The following SEL1L variants were observed in gnomAD, a reference collection of about 807,000 sequenced individuals.
SEL1L encodes protein sel-1 homolog 1.
Under a neutral mutation model 109.8 loss-of-function variants are expected in SEL1L, and 52 were observed. The ratio of observed to expected loss-of-function variants is 0.47; its 90% confidence interval spans 0.38 to 0.60. The LOEUF (loss-of-function observed/expected upper bound fraction) is 0.60, where lower values mean the gene tolerates loss of function less well. Among genes scored for constraint, SEL1L ranks in the 20% least tolerant of loss-of-function variants. SEL1L has a pLI of 0.00. For missense variants in SEL1L, 749 were observed against 962.2 expected, an observed-to-expected ratio of 0.78 and a Z score of 2.93; for synonymous variants, 373 against 339.6, an observed-to-expected ratio of 1.10 and a Z score of -1.08.
At chr14:81,482,816 T>A (rs1260966071) in intron 19 of SEL1L, among the ~76,000 whole-genome samples, 1 of 152,172 alleles carries the variant, frequency 6.6e-6, no homozygotes, top group Non-Finnish European at 1.5e-5. Context: ...AATACCGCAT[T>A]AGCAAAAATG....
intron 18 of SEL1L, 106 bp downstream of exon 18, chr14:81,485,566 A>T: frequency 2.0e-6 from 2 of 985,342 alleles, no homozygotes; most frequent in Non-Finnish European, 3.2e-6. Context: ...TGCTAGGGTT[A>T]CAGGCGTGAG....
At chr14:81,486,526 C>A in intron 16 of SEL1L, 72 bp from the exon 17 acceptor site, 1 of 1,488,830 alleles carries the variant, frequency 6.7e-7, no homozygotes. Flanking sequence ...CACTTATGCA[C>A]TTTGGTTACA....
intron 19 of SEL1L, among the ~76,000 whole-genome samples, chr14:81,480,180 G>A (rs1014125955): frequency 1.3e-4 from 20 of 152,080 alleles, no homozygotes; most frequent in African/African-American, 3.1e-4. Context: ...TGACAGGCAC[G>A]GTGGCTCATT....
intron 3 of SEL1L, among the ~76,000 whole-genome samples, chr14:81,510,283 G>A (rs1373355102): frequency 6.6e-6 from 1 of 152,094 alleles, no homozygotes; most frequent in African/African-American, 2.4e-5. Context: ...AGAGAGAAAG[G>A]GAAATCAGTG....
intron 3 of SEL1L, among the ~76,000 whole-genome samples, chr14:81,513,411 C>T (rs941139157): frequency 6.6e-6 from 1 of 152,136 alleles, no homozygotes; most frequent in Non-Finnish European, 1.5e-5. Flanking sequence ...CGGCTTCACT[C>T]CTGAAGTCAG....
chr14:81,533,815 A>ACCG lies in SEL1L; in HGVS notation c.-74_-72dup. The ACCG allele has an allele frequency of 6.9e-7, 1 of 1,452,338 alleles. No homozygotes were observed. The highest frequency in any genetic ancestry group is 9.5e-7 in the Non-Finnish European group (1 of 1,050,196). The allele number at this position is 1,452,338 out of a possible 1,614,324, so 90.0% of individuals were successfully genotyped here. On this transcript the variant is annotated 5_prime_UTR_variant, in exon 1 of 21. Coordinates refer to ENST00000336735, the MANE Select transcript of SEL1L (RefSeq NM_005065.6). ...CTCTGCCACCACGGACTCAGCCACC[A>ACCG]CCGCCGCCTCGCCGCTGCTCTTCCT... is the stretch of plus-strand genomic sequence containing the variant.
chr14:81,494,893 G>A (rs770687526), intron 11 of SEL1L, among the ~76,000 whole-genome samples, 188 bp downstream of exon 11: 5 of 152,320 alleles, frequency 3.3e-5, no homozygotes, highest in Admixed American at 6.5e-5. Flanking sequence ...GCAGTGAATG[G>A]CACATAGTAG....
At chr14:81,513,931 G>A (rs1246203102) in intron 3 of SEL1L, among the ~76,000 whole-genome samples, 1 of 152,234 alleles carries the variant, frequency 6.6e-6, no homozygotes, top group Non-Finnish European at 1.5e-5. Flanking sequence ...CGTCGCCCAA[G>A]TGAGACTCGC....
intron 10 of SEL1L, among the ~76,000 whole-genome samples, chr14:81,496,340 CA>C (rs1555413758): frequency 1.4e-4 from 21 of 147,264 alleles, no homozygotes; most frequent in African/African-American, 4.9e-4. Flanking sequence ...AAAACAAAAA[CA>C]AAAAAAAAAC....
intron 3 of SEL1L, among the ~76,000 whole-genome samples, chr14:81,512,723 T>C (rs1383421278): frequency 6.6e-6 from 1 of 152,252 alleles, no homozygotes; most frequent in African/African-American, 2.4e-5. Flanking sequence ...TGATGGATTT[T>C]TTTATTTACA....
At chr14:81,486,252 C>T (rs780354449) in intron 17 of SEL1L, 37 bp downstream of exon 17, 2 of 1,604,306 alleles carry the variant, frequency 1.2e-6, no homozygotes, top group African/African-American at 1.3e-5. Flanking sequence ...TGAACTCGTA[C>T]ATTCTAAACC....
chr14:81,493,171 T>C (rs1434585716), intron 11 of SEL1L, among the ~76,000 whole-genome samples: 1 of 152,170 alleles, frequency 6.6e-6, no homozygotes, highest in Non-Finnish European at 1.5e-5. Context: ...CTCCCTCTTT[T>C]GGAACCAGTT....
At chr14:81,495,542 TGGGA>T (rs1883711648) in intron 10 of SEL1L, among the ~76,000 whole-genome samples, 1 of 151,820 alleles carries the variant, frequency 6.6e-6, no homozygotes, top group Non-Finnish European at 1.5e-5. Flanking sequence ...GAGGCTGAGG[TGGGA>T]GGATCACCTG....
chr14:81,509,358 T>C (rs905189396), intron 3 of SEL1L, among the ~76,000 whole-genome samples: 4 of 152,254 alleles, frequency 2.6e-5, no homozygotes, highest in African/African-American at 7.2e-5. Flanking sequence ...TGACAGGTTA[T>C]GCAATTTAAA....
chr14:81,484,505 A>C, intron 18 of SEL1L, 108 bp from the exon 19 acceptor site: 5 of 1,045,118 alleles, frequency 4.8e-6, no homozygotes, highest in Non-Finnish European at 6.9e-6. Context: ...AAGAATTTTA[A>C]TTCATAGTAC....
intron 3 of SEL1L, among the ~76,000 whole-genome samples, chr14:81,516,909 T>C (rs2140044872): frequency 6.6e-6 from 1 of 152,298 alleles, no homozygotes; most frequent in Admixed American, 6.5e-5. Context: ...TGTGCTGATT[T>C]TGCTTTGTCC....
chr14:81,507,393 G>A (rs575530424), intron 3 of SEL1L, among the ~76,000 whole-genome samples: 2 of 152,140 alleles, frequency 1.3e-5, no homozygotes, highest in Admixed American at 1.3e-4. Context: ...TGATTCTAAG[G>A]AGGTAGATAT....
At chr14:81,485,939 C>T (rs1267427598) in intron 17 of SEL1L, among the ~76,000 whole-genome samples, 193 bp from the exon 18 acceptor site, 1 of 152,132 alleles carries the variant, frequency 6.6e-6, no homozygotes, top group African/African-American at 2.4e-5. Context: ...TGCAAGAGGG[C>T]ACTACTTTGT....
intron 3 of SEL1L, among the ~76,000 whole-genome samples, chr14:81,510,506 C>CTATATATATATATA (rs1185338964): frequency 8.3e-6 from 1 of 120,988 alleles, no homozygotes; most frequent in East Asian, 2.6e-4. Context: ...CTCTCTCTCT[C>CTATATATATATATA]TCTCTCTCTA....
Sources: allele counts gnomAD v4.1 joint callset (sites outside exome capture counted in the v4.1 genomes callset), GRCh38; gene constraint gnomAD v4.1.1; transcripts MANE v1.5; gene names NCBI Gene and HGNC (gene_info 2026-07-23, HGNC 2026-07-21).